Variants in PGS1 observed in about 807,000 individuals in gnomAD.
PGS1 encodes the protein CDP-diacylglycerol--glycerol-3-phosphate 3-phosphatidyltransferase, mitochondrial.
PGS1 carries 44 observed loss-of-function variants against 58.3 expected under a neutral mutation model. The ratio of observed to expected loss-of-function variants is 0.75; its 90% CI spans 0.59 to 0.97. The LOEUF (loss-of-function observed/expected upper bound fraction) is 0.97. Ranked by LOEUF, PGS1 falls within the 50% of genes least tolerant of loss-of-function variation. The probability of loss-of-function intolerance (pLI) is 0.00; values close to 1 mark genes in which losing one functional copy is unlikely to be tolerated. For missense variants in PGS1, 684 were observed against 731.1 expected (o/e 0.94, Z 0.74); for synonymous variants, 330 against 311.0 (o/e 1.06, Z -0.64).
At chr17:78,383,309 C>T (rs1046566375) in intron 1 of PGS1, among the ~76,000 whole-genome samples, 2 of 151,940 alleles carry the variant, frequency 1.3e-5, no homozygotes, top group African/African-American at 4.8e-5. Flanking sequence ...GTGCCGCAAC[C>T]TCTGCCTCCT....
chr17:78,422,954 C>T (rs972983610), intron 9 of PGS1, among the ~76,000 whole-genome samples: 10 of 151,818 alleles, frequency 6.6e-5, no homozygotes, highest in African/African-American at 9.7e-5. Flanking sequence ...AAATTAGCTG[C>T]GTGTGGTGGT....
intron 1 of PGS1, among the ~76,000 whole-genome samples, chr17:78,387,748 C>T (rs999972488): frequency 3.3e-5 from 5 of 151,770 alleles, no homozygotes; most frequent in African/African-American, 7.3e-5. Context: ...TACAGGTGCA[C>T]GCCACCATGC....
chr17:78,381,386 C>T (rs765517140), intron 1 of PGS1, among the ~76,000 whole-genome samples: 1 of 152,148 alleles, frequency 6.6e-6, no homozygotes, highest in Non-Finnish European at 1.5e-5. Context: ...TATGGTAGGA[C>T]TGAGGATAAA....
intron 8 of PGS1, among the ~76,000 whole-genome samples, chr17:78,416,978 AG>A (rs1245458853): frequency 8.5e-5 from 13 of 152,104 alleles, no homozygotes; most frequent in South Asian, 2.1e-4. Context: ...GAATTCAGGG[AG>A]GGGCCCTCCT....
intron 7 of PGS1, among the ~76,000 whole-genome samples, chr17:78,406,472 C>T (rs2084154628): frequency 6.6e-6 from 1 of 152,246 alleles, no homozygotes; most frequent in Admixed American, 6.5e-5. Flanking sequence ...GAATGGGAAG[C>T]TTCTGGCATG....
intron 7 of PGS1, among the ~76,000 whole-genome samples, chr17:78,407,842 G>C (rs56101241): frequency 0.014 from 2,148 of 152,362 alleles, 19 homozygotes; most frequent in Non-Finnish European, 0.021. Flanking sequence ...GCAGCGTGGG[G>C]GGAAGAGGCA....
At chr17:78,411,589 C>T (rs1420051863) in intron 7 of PGS1, among the ~76,000 whole-genome samples, 1 of 152,210 alleles carries the variant, frequency 6.6e-6, no homozygotes, top group Non-Finnish European at 1.5e-5. Flanking sequence ...CCCAAAAGCA[C>T]TTGGTCCGCA....
chr17:78,415,947 TCGG>T (rs1309638656), intron 8 of PGS1, among the ~76,000 whole-genome samples: 2 of 152,244 alleles, frequency 1.3e-5, no homozygotes, highest in African/African-American at 4.8e-5. Flanking sequence ...CCCAGAGGCA[TCGG>T]ACGGTAACTT....
intron 9 of PGS1, chr17:78,423,630 G>A: frequency 4.7e-6 from 2 of 423,120 alleles, no homozygotes; most frequent in South Asian, 6.6e-5. Flanking sequence ...CTGGGAATTG[G>A]GGCCTTTCCC....
intron 7 of PGS1, among the ~76,000 whole-genome samples, chr17:78,413,488 C>T (rs773662429): frequency 1.3e-5 from 2 of 152,188 alleles, no homozygotes; most frequent in Non-Finnish European, 2.9e-5. Context: ...ACCACTTAAA[C>T]TTGATCACAC....
intron 2 of PGS1, among the ~76,000 whole-genome samples, chr17:78,394,683 G>C (rs1343430662): frequency 6.6e-6 from 1 of 151,914 alleles, no homozygotes. Context: ...AGCCTCCTTA[G>C]TAGCTGGGAT....
chr17:78,414,950 A>G lies in PGS1; in HGVS notation c.1474A>G (p.Arg492Gly). 2 of 1,613,970 alleles carry G rather than the reference A, an allele frequency of 1.2e-6. No individual in the cohort carries two copies. The highest frequency in any genetic ancestry group is 1.7e-6 in the Non-Finnish European group (2 of 1,180,024). Residue 492 changes from arginine (R) to glycine (G), a missense_variant, in exon 8 of 10, where the codon AGG (arginine) becomes GGG (glycine). Coordinates refer to ENST00000262764, the MANE Select transcript of PGS1 (RefSeq NM_024419.5). ...GATTGGCTCTCCTAATTTTGGGTAC[A>G]GGTCAGTTCACCGGGACCTGGAGGC... ...TLIGSPNFGY[R>G]SVHRDLEAQI...
At chr17:78,386,097 A>G (rs1035115387) in intron 1 of PGS1, among the ~76,000 whole-genome samples, 9 of 152,308 alleles carry the variant, frequency 5.9e-5, no homozygotes, top group African/African-American at 2.2e-4. Flanking sequence ...TGCAGATTCC[A>G]CGGGAAGCCT....
At chr17:78,417,735 G>A (rs983239838) in intron 8 of PGS1, among the ~76,000 whole-genome samples, 4 of 151,796 alleles carry the variant, frequency 2.6e-5, no homozygotes, top group Non-Finnish European at 5.9e-5. Flanking sequence ...GTGGATGTAG[G>A]TATGGCCCGG....
At chr17:78,393,104 A>C (rs2082949018) in intron 2 of PGS1, among the ~76,000 whole-genome samples, 1 of 145,148 alleles carries the variant, frequency 6.9e-6, no homozygotes, top group African/African-American at 2.6e-5. Flanking sequence ...TCTGTCACCC[A>C]GGCTAGAGTG....
At chr17:78,382,946 A>G (rs2082140922) in intron 1 of PGS1, among the ~76,000 whole-genome samples, 2 of 152,154 alleles carry the variant, frequency 1.3e-5, no homozygotes, top group Non-Finnish European at 2.9e-5. Flanking sequence ...TGCCCGGCCC[A>G]CAGAATGGCC....
At position 78,404,099 on chromosome 17, in the gene PGS1, G is replaced by A. The variant is rs770465920; in HGVS notation, c.1402+10G>A. On this transcript the variant is annotated intron_variant, in intron 7 of 9. Transcript: ENST00000262764. ...ACGTTCCACGCCAAAGGTGCGCAGC[G>A]GCTGGCTGGAGGACGTTCCAGTGTG... 43 of 1,519,466 alleles carry A rather than the reference G, an allele frequency of 2.8e-5. No homozygotes were observed. The highest frequency in any genetic ancestry group is 2.6e-4 in the African/African-American group (19 of 72,938). The allele number at this position is 1,519,466 out of a possible 1,614,324, so 94.1% of individuals were successfully genotyped here.
rs1340089723 is a variant in PGS1 at position 78,378,765 on chromosome 17, C to T, written c.100C>T (p.Leu34=). 6.7e-7 allele frequency: 1 copy of T among 1,494,772 alleles called. No individual in the cohort carries two copies. Among genetic ancestry groups the T allele is most frequent in the Non-Finnish European group, 8.9e-7 (1 of 1,129,220 alleles). The allele number at this position is 1,494,772 out of a possible 1,614,324, so 92.6% of individuals were successfully genotyped here. ...RPGLAALLGR[L]SDRLGRNRDR... is the part of the protein sequence containing the mutation. Reference sequence around the variant, plus strand: ...AGGGCTGGCCGCGCTCCTGGGACGCCTGTCCGACCGCCTCGGCAGGAACCG... The same window carrying T: ...AGGGCTGGCCGCGCTCCTGGGACGCTTGTCCGACCGCCTCGGCAGGAACCG... The change falls in exon 1 of 10, where the codon CTG becomes TTG. Residue 34 remains leucine, a synonymous_variant. Coordinates refer to ENST00000262764, the MANE Select transcript of PGS1 (RefSeq NM_024419.5).
chr17:78,399,971 C>A lies in PGS1; in HGVS notation c.701+434C>A, dbSNP rs546961979. The A allele has an allele frequency of 1.2e-5, 3 of 257,000 alleles. No individual in the cohort carries two copies. In the South Asian group the frequency reaches 1.3e-4, roughly 11 times the overall value. The allele number at this position is 257,000 out of a possible 1,614,324, so 15.9% of individuals were successfully genotyped here. On this transcript the variant is annotated intron_variant, in intron 5 of 9. Transcript: ENST00000262764. ...ACAGGCCCTCCCCTCGGCAGTGGGG[C>A]CAGGATTGGGTTGCTGGTGCTGAGA...
Sources: gnomAD v4.1 joint callset for allele counts (sites outside exome capture counted in the v4.1 genomes callset) on GRCh38, gnomAD v4.1.1 for gene constraint, MANE v1.5 for transcripts, NCBI Gene and HGNC (gene_info 2026-07-23, HGNC 2026-07-21) for gene names.